EPS15: variants seen among roughly 807,000 people sequenced by gnomAD.
The protein encoded by EPS15 is epidermal growth factor receptor pathway substrate 15.
Under a neutral mutation model 113.8 loss-of-function variants are expected in EPS15, and 72 were observed. That is an observed-to-expected ratio of 0.63 (90% CI 0.52 to 0.77). The LOEUF (loss-of-function observed/expected upper bound fraction) is 0.77. Among genes scored for constraint, EPS15 ranks in the 30% least tolerant of loss-of-function variants. EPS15 has a pLI of 0.00. For missense variants in EPS15, 1,048 were observed against 1,045.8 expected (o/e 1.00, Z -0.03); for synonymous variants, 344 against 363.4 (o/e 0.95, Z 0.61).
intron 13 of EPS15, among the ~76,000 whole-genome samples, chr1:51,410,133 G>A (rs139036273): frequency 0.022 from 3,325 of 151,926 alleles, 32 homozygotes; most frequent in Middle Eastern, 0.034. Flanking sequence ...GGAGGCTAAA[G>A]CAGGAGAATT....
At chr1:51,501,043 T>TA (rs1403361243) in intron 1 of EPS15, among the ~76,000 whole-genome samples, 4 of 151,866 alleles carry the variant, frequency 2.6e-5, no homozygotes, top group Non-Finnish European at 5.9e-5. Flanking sequence ...CCTCATATAT[T>TA]AAAAAACACA....
chr1:51,438,771 TG>T (rs1259162497), intron 12 of EPS15, among the ~76,000 whole-genome samples: 1 of 152,098 alleles, frequency 6.6e-6, no homozygotes, highest in Non-Finnish European at 1.5e-5. Context: ...AAAATCCTAA[TG>T]AGTGGCAGAA....
chr1:51,356,460 C>A lies in EPS15; in HGVS notation c.*240G>T. 2.4e-6 allele frequency: 1 copy of A among 414,436 alleles called. No individual in the cohort carries two copies. Among genetic ancestry groups the A allele is most frequent in the Non-Finnish European group, 4.3e-6 (1 of 234,736 alleles). 25.7% of individuals were successfully genotyped at this position (414,436 alleles called of 1,614,324 possible). On this transcript the variant is annotated 3_prime_UTR_variant, in exon 25 of 25. Transcript: ENST00000371733. ...GCAAAAGCTCACAGTAAATGTATAC[C>A]AGAACAGGGGCCTAAGTGAAGGTGA...
intron 15 of EPS15, 102 bp downstream of exon 15, chr1:51,408,033 T>C: frequency 3.0e-6 from 3 of 988,812 alleles, no homozygotes; most frequent in Non-Finnish European, 3.2e-6. Flanking sequence ...AAATGAACAG[T>C]AAACTAGGCA....
At chr1:51,357,442 T>C (rs1321564738) in intron 24 of EPS15, among the ~76,000 whole-genome samples, 2 of 101,164 alleles carry the variant, frequency 2.0e-5, no homozygotes, top group Non-Finnish European at 3.7e-5. Flanking sequence ...TTTTTTTAAA[T>C]GTGATATATA....
chr1:51,371,741 GTTT>G (rs1437972961), intron 21 of EPS15, among the ~76,000 whole-genome samples: 1 of 152,162 alleles, frequency 6.6e-6, no homozygotes. Flanking sequence ...AGTGTACAGT[GTTT>G]ATAAAGTTTA....
chr1:51,357,390 AAATATATATAT>A (rs1421832112), intron 24 of EPS15, among the ~76,000 whole-genome samples: 1 of 56,202 alleles, frequency 1.8e-5, no homozygotes, highest in Non-Finnish European at 3.0e-5. Context: ...AAAAAAAAAA[AAATATATATAT>A]ATATATATAT....
chr1:51,493,027 A>C (rs994420582), intron 1 of EPS15, among the ~76,000 whole-genome samples: 1 of 151,938 alleles, frequency 6.6e-6, no homozygotes, highest in Non-Finnish European at 1.5e-5. Context: ...GGAGTTCGAG[A>C]CCATCCTGCC....
At chr1:51,480,042 G>T (rs139211481) in intron 2 of EPS15, among the ~76,000 whole-genome samples, 447 of 152,306 alleles carry the variant, frequency 2.9e-3, no homozygotes, top group Non-Finnish European at 4.7e-3. Flanking sequence ...AAGAACAAAT[G>T]TAACAGGGGA....
chr1:51,487,757 A>G (rs1039421304), intron 1 of EPS15, among the ~76,000 whole-genome samples: 7 of 152,192 alleles, frequency 4.6e-5, no homozygotes, highest in Non-Finnish European at 8.8e-5. Context: ...TAGCTCACCA[A>G]AGTGTTCTAA....
rs576263631 is a variant in EPS15 at position 51,441,028 on chromosome 1, T to C, written c.955-596A>G. 3.3e-5 allele frequency among the ~76,000 whole-genome samples: 5 copies of C among 152,212 alleles called. No individual in the cohort carries two copies. The South Asian group carries it at 1.0e-3, about 32-fold the overall frequency. ...GTCTTCATATATGACATCCTGTCCA[T>C]ACAGTTTTCTTTCAACAATGAAGGT... On this transcript the variant is annotated intron_variant, in intron 11 of 24. Coordinates refer to ENST00000371733, the MANE Select transcript of EPS15 (RefSeq NM_001981.3).
chr1:51,507,763 GA>G (rs764939686), intron 1 of EPS15, among the ~76,000 whole-genome samples: 162 of 151,608 alleles, frequency 1.1e-3, no homozygotes, highest in African/African-American at 3.7e-3. Context: ...ACTACATTTG[GA>G]AAAAAAAGAA....
intron 5 of EPS15, 42 bp downstream of exon 5, chr1:51,468,431 T>C (rs751069243): frequency 1.1e-5 from 15 of 1,361,240 alleles, no homozygotes; most frequent in Middle Eastern, 3.6e-4. Flanking sequence ...GGTGTCACTT[T>C]TTAAAAATTA....
At chr1:51,469,013 C>T (rs1443872681) in intron 4 of EPS15, among the ~76,000 whole-genome samples, 1 of 151,992 alleles carries the variant, frequency 6.6e-6, no homozygotes, top group East Asian at 1.9e-4. Flanking sequence ...ACCTGTAGTC[C>T]CAACTACTCA....
rs1654042828 is a variant in EPS15 at position 51,456,994 on chromosome 1, C to T, written c.561+4097G>A. Among the ~76,000 whole-genome samples, 3 of 151,994 alleles carry T rather than the reference C, an allele frequency of 2.0e-5. No homozygotes were observed. In the South Asian group the frequency reaches 6.2e-4, roughly 31 times the overall value. On this transcript the variant is annotated intron_variant, in intron 8 of 24. Transcript: ENST00000371733. ...GTTCTAAGGTCTTCTGGAATTAGAA[C>T]ATGAGGGGGGGCCAGGCACAGTGGC...
At chr1:51,446,606 A>G (rs991949405) in intron 10 of EPS15, among the ~76,000 whole-genome samples, 3 of 152,054 alleles carry the variant, frequency 2.0e-5, no homozygotes, top group Non-Finnish European at 4.4e-5. Context: ...GGCGCACACC[A>G]CCATGTCTGG....
At position 51,421,979 on chromosome 1, in the gene EPS15, T is replaced by C. The variant is rs768170556; in HGVS notation, c.1041-121A>G. ...CATAGTGAAACATTCAATTTTTAAATGAAGGGCAGATTTTTCTACCCTCTT... is the reference window on the plus strand; with the variant it reads ...CATAGTGAAACATTCAATTTTTAAACGAAGGGCAGATTTTTCTACCCTCTT... On this transcript the variant is annotated intron_variant, in intron 12 of 24. Coordinates refer to ENST00000371733, the MANE Select transcript of EPS15 (RefSeq NM_001981.3). 37 of 1,424,282 alleles carry C rather than the reference T, an allele frequency of 2.6e-5. No homozygotes were observed. In the East Asian group the frequency reaches 6.7e-4, roughly 26 times the overall value. 88.2% of individuals were successfully genotyped at this position (1,424,282 alleles called of 1,614,324 possible). A position where few individuals can be genotyped will look rare whatever the true frequency, so the allele number is the denominator to read the frequency against.
chr1:51,458,419 C>A, intron 8 of EPS15: 1 of 299,958 alleles, frequency 3.3e-6, no homozygotes, highest in Non-Finnish European at 6.8e-6. Context: ...GATGACACTA[C>A]TATTCCCCAT....
chr1:51,447,482 C>CAA lies in EPS15; in HGVS notation c.652-378_652-377insTT, dbSNP rs564878330. Among the ~76,000 whole-genome samples, 532 of 152,178 alleles carry CAA rather than the reference C, an allele frequency of 3.5e-3. 1 individual carries two copies. The highest frequency in any genetic ancestry group is 6.3e-3 in the Non-Finnish European group (430 of 68,012). On this transcript the variant is annotated intron_variant, in intron 9 of 24. Coordinates refer to ENST00000371733, the MANE Select transcript of EPS15 (RefSeq NM_001981.3). ...TTATAGTTTGACCCAGCAGTGTTAA[C>CAA]CATAGCCAAACTGGCTGATTTGCAT...
Sources: allele counts gnomAD v4.1 joint callset (sites outside exome capture counted in the v4.1 genomes callset), GRCh38; gene constraint gnomAD v4.1.1; transcripts MANE v1.5; gene names NCBI Gene and HGNC (gene_info 2026-07-23, HGNC 2026-07-21).